The following MROH2B variants were observed in gnomAD, a reference collection of about 807,000 sequenced individuals.
MROH2B encodes maestro heat-like repeat-containing protein family member 2B.
In MROH2B, 177 loss-of-function variants were observed where a neutral mutation model predicts 208.6. The observed-to-expected ratio is 0.85, with a 90% CI of 0.75 to 0.96. The LOEUF (loss-of-function observed/expected upper bound fraction) is 0.96, where lower values mean the gene tolerates loss of function less well. MROH2B is among the 40% of genes least tolerant of loss of function. The pLI is 0.00. For missense variants in MROH2B, 2,002 were observed against 1,878.7 expected, an observed-to-expected ratio of 1.07 and a Z score of -1.21; for synonymous variants, 728 against 659.0, an observed-to-expected ratio of 1.10 and a Z score of -1.60.
In MROH2B at chr5:40,999,689, C is replaced by G; in HGVS notation, c.4573G>C (p.Val1525Leu). Residue 1525 changes from valine (V) to leucine (L), a missense_variant, in exon 40 of 42, where the codon GTC becomes CTC. By Grantham distance (32) the Val-to-Leu change is conservative. Coordinates refer to ENST00000399564, the MANE Select transcript of MROH2B (RefSeq NM_173489.5). Reference protein sequence around the residue: ...STWEVIRSAAVKLTDAVVLNL... With the variant: ...STWEVIRSAALKLTDAVVLNL... ...GATGTGTACTCACCTGTGAGTTTGA[C>G]AGCTGCACTCCTGATCACCTCCCAG... 6.2e-7 allele frequency: 1 copy of G among 1,611,976 alleles called. No homozygotes were observed. The highest frequency in any genetic ancestry group is 1.1e-5 in the South Asian group (1 of 90,782).
chr5:41,010,104 A>T, intron 30 of MROH2B, 25 bp from the exon 31 acceptor site: 1 of 1,608,216 alleles, frequency 6.2e-7, no homozygotes, highest in Middle Eastern at 1.7e-4. Flanking sequence ...GCCAAGTCAA[A>T]CATTAAGTTG....
rs920562472 is a variant in MROH2B, at chr5:41,071,061, C to G, written c.-209G>C. The G allele has an allele frequency of 5.6e-6, 3 of 539,752 alleles. No homozygotes were observed. The African/African-American group carries it at 5.7e-5, about 10-fold the overall frequency. The allele number at this position is 539,752 out of a possible 1,614,324, so 33.4% of individuals were successfully genotyped here. On this transcript the variant is annotated 5_prime_UTR_variant, in exon 1 of 42. It removes the in-frame stop codon of an upstream open reading frame in the 5' UTR. Coordinates refer to ENST00000399564, the MANE Select transcript of MROH2B (RefSeq NM_173489.5). ...TTGAAGTTGATACTGTATTCTACCA[C>G]TATGACATTGTCTTGCGTCTGAACT...
intron 7 of MROH2B, among the ~76,000 whole-genome samples, chr5:41,057,579 C>T (rs1221180281): frequency 6.9e-3 from 9 of 1,308 alleles, no homozygotes; most frequent in African/African-American, 0.018. Flanking sequence ...TTTTTTGAGA[C>T]GGAGTCTTGT....
At chr5:41,012,366 A>T (rs1247695211) in intron 30 of MROH2B, among the ~76,000 whole-genome samples, 2 of 152,198 alleles carry the variant, frequency 1.3e-5, no homozygotes, top group South Asian at 4.1e-4. Context: ...AGACAGTTTG[A>T]ACAGCTTTTA....
intron 21 of MROH2B, among the ~76,000 whole-genome samples, chr5:41,037,763 A>G (rs1379039765): frequency 6.6e-6 from 1 of 152,138 alleles, no homozygotes; most frequent in Non-Finnish European, 1.5e-5. Context: ...ATAAATAATC[A>G]CTTGAAAGTT....
At chr5:41,025,842 T>A (rs1742338758) in intron 24 of MROH2B, among the ~76,000 whole-genome samples, 2 of 152,180 alleles carry the variant, frequency 1.3e-5, no homozygotes, top group Non-Finnish European at 2.9e-5. Flanking sequence ...TCCACCATGA[T>A]CAAGTGGGCT....
At chr5:41,064,659 G>T (rs1296995912) in intron 4 of MROH2B, 89 bp from the exon 5 acceptor site, 2 of 943,452 alleles carry the variant, frequency 2.1e-6, no homozygotes, top group African/African-American at 3.2e-5. Context: ...AGCATTTCAG[G>T]GCTGCACGGA....
At chr5:41,066,844 G>A (rs1743828144) in intron 3 of MROH2B, among the ~76,000 whole-genome samples, 1 of 152,040 alleles carries the variant, frequency 6.6e-6, no homozygotes, top group Non-Finnish European at 1.5e-5. Flanking sequence ...GTGTTACTTT[G>A]AAAAAAACAT....
rs1162529441 is a variant in MROH2B, at chr5:41,000,707, G to C, written c.4321C>G (p.Leu1441Val). 6.2e-7 allele frequency: 1 copy of C among 1,612,476 alleles called. No individual in the cohort carries two copies. The highest frequency in any genetic ancestry group is 1.1e-5 in the South Asian group (1 of 90,610). The stretch of plus-strand genomic sequence containing the variant: ...CCAATCTTGGGGTTGGGATCCCAAA[G>C]GTGCAGAAGGAATGAAATCAGGCTC... ...KKSLISFLLHLWDPNPKIGVA... is the reference protein window; with the variant it reads ...KKSLISFLLHVWDPNPKIGVA... The change falls in exon 38 of 42, where the codon CTT (leucine) becomes GTT (valine). Residue 1441 changes from leucine (L) to valine (V), a missense_variant. By Grantham distance (32) the Leu-to-Val change is conservative. Coordinates refer to ENST00000399564, the MANE Select transcript of MROH2B (RefSeq NM_173489.5).
intron 37 of MROH2B, among the ~76,000 whole-genome samples, chr5:41,001,705 G>T (rs1033262275): frequency 6.6e-6 from 1 of 151,652 alleles, no homozygotes; most frequent in East Asian, 1.9e-4. Flanking sequence ...TGACAGAGCA[G>T]GACTCTGTCT....
chr5:41,050,922 TG>T, intron 13 of MROH2B, 54 bp downstream of exon 13: 1 of 1,126,140 alleles, frequency 8.9e-7, no homozygotes, highest in Non-Finnish European at 1.3e-6. Context: ...TTACACAGGC[TG>T]GGCTTTAAGA....
At chr5:41,057,216 A>C in intron 8 of MROH2B, 38 bp from the exon 9 acceptor site, 1 of 1,612,580 alleles carries the variant, frequency 6.2e-7, no homozygotes, top group Non-Finnish European at 8.5e-7. Flanking sequence ...GATGTTAAAC[A>C]CAGAAAACCG....
chr5:41,055,019 A>G (rs1273381247), intron 10 of MROH2B, among the ~76,000 whole-genome samples, 179 bp from the exon 11 acceptor site: 6 of 152,146 alleles, frequency 3.9e-5, no homozygotes, highest in Non-Finnish European at 7.4e-5. Flanking sequence ...ATGATGTCCA[A>G]TGCTTTCTTT....
At chr5:41,047,815 G>T in intron 16 of MROH2B, 51 bp from the exon 17 acceptor site, 1 of 1,496,576 alleles carries the variant, frequency 6.7e-7, no homozygotes, top group Non-Finnish European at 9.1e-7. Flanking sequence ...ACCACCCCAA[G>T]ACTCAAATTC....
rs1365418127 is a variant in MROH2B at position 41,012,475 on chromosome 5, C to T, written c.3135+108G>A. On this transcript the variant is annotated intron_variant, in intron 30 of 41. Transcript: ENST00000399564. The stretch of plus-strand genomic sequence containing the variant: ...TCTAATGAGGCCTCTTGAGGTTGTG[C>T]AAGCCTTTGCATGCTGCCCATCAGT... The T allele has an allele frequency of 1.6e-5, 20 of 1,232,088 alleles. No individual in the cohort carries two copies. The South Asian group carries it at 3.2e-4, about 20-fold the overall frequency. 76.3% of individuals were successfully genotyped at this position (1,232,088 alleles called of 1,614,324 possible). A position where few individuals can be genotyped will look rare whatever the true frequency, so the allele number is the denominator to read the frequency against.
chr5:41,050,551 C>A (rs1332663610), intron 13 of MROH2B, among the ~76,000 whole-genome samples: 1 of 152,066 alleles, frequency 6.6e-6, no homozygotes, highest in Non-Finnish European at 1.5e-5. Context: ...CTATGTACTT[C>A]CGGGCACTAC....
chr5:41,045,605 A>G, intron 18 of MROH2B, 141 bp downstream of exon 18: 1 of 624,480 alleles, frequency 1.6e-6, no homozygotes, highest in Non-Finnish European at 2.8e-6. Flanking sequence ...ACTTTCAGCT[A>G]GTGGCCTTAA....
chr5:41,013,365 A>T (rs12054764), intron 29 of MROH2B, among the ~76,000 whole-genome samples: 52,743 of 152,050 alleles, frequency 0.35, 9,306 homozygotes, highest in South Asian at 0.43. Context: ...CAGTGTGTGA[A>T]TTTGAGTGTG....
intron 24 of MROH2B, among the ~76,000 whole-genome samples, chr5:41,024,243 T>A (rs1235416721): frequency 2.6e-5 from 4 of 152,096 alleles, no homozygotes; most frequent in African/African-American, 9.7e-5. Flanking sequence ...GACTGGCAAA[T>A]TGGATAAAGA....
Sources: gnomAD v4.1 joint callset for allele counts (sites outside exome capture counted in the v4.1 genomes callset) on GRCh38, gnomAD v4.1.1 for gene constraint, MANE v1.5 for transcripts, NCBI Gene and HGNC (gene_info 2026-07-23, HGNC 2026-07-21) for gene names.